The following CHST15 variants were observed in gnomAD, a reference collection of about 807,000 sequenced individuals.
The protein encoded by CHST15 is carbohydrate sulfotransferase 15, also known as B cell RAG associated protein (GALNAC4S-6ST).
A neutral mutation model predicts 53.6 loss-of-function variants in CHST15; 30 were observed. The ratio of observed to expected loss-of-function variants is 0.56; its 90% CI spans 0.42 to 0.76. The LOEUF is 0.76. Among genes scored for constraint, CHST15 ranks in the 30% least tolerant of loss-of-function variants. The probability of loss-of-function intolerance (pLI) is 0.00; values close to 1 mark genes in which losing one functional copy is unlikely to be tolerated. For synonymous variants in CHST15, 296 were observed against 289.8 expected (o/e 1.02, Z -0.22); for missense variants, 627 against 740.5 (o/e 0.85, Z 1.78).
At chr10:124,027,536 G>A (rs1023412711) in intron 5 of CHST15, among the ~76,000 whole-genome samples, 12 of 152,190 alleles carry the variant, frequency 7.9e-5, no homozygotes, top group Non-Finnish European at 1.5e-5. Flanking sequence ...ATTAAAGCAG[G>A]AGCTGCTGCT....
Position 124,077,543 on chromosome 10 carries a change from T to G in CHST15, c.-513+15926A>C, listed in dbSNP as rs1949117334. ...TTAAATGGGAAAATCTTTACCTTAG[T>G]TGAGTGATGTGCTCTGTCCACCACC... On this transcript the variant is annotated intron_variant, in intron 1 of 7. Coordinates refer to ENST00000435907, the MANE Select transcript of CHST15 (RefSeq NM_001270764.2). 2.0e-5 allele frequency among the ~76,000 whole-genome samples: 3 copies of G among 152,228 alleles called. No homozygotes were observed. The South Asian group carries it at 6.2e-4, about 31-fold the overall frequency.
intron 5 of CHST15, among the ~76,000 whole-genome samples, chr10:124,034,263 C>T (rs1947334633): frequency 6.6e-6 from 1 of 152,174 alleles, no homozygotes; most frequent in South Asian, 2.1e-4. Flanking sequence ...TCCTAGGATA[C>T]ATAGAGTATT....
rs1947482511 is a variant in CHST15, at chr10:124,036,041, C to T, written c.1190+2474G>A. Among the ~76,000 whole-genome samples the T allele has an allele frequency of 6.6e-6, 1 of 152,250 alleles. No homozygotes were observed. Among genetic ancestry groups the T allele is most frequent in the South Asian group, 2.1e-4 (1 of 4,836 alleles). ...GCACTCTCGGCCCCTGAGGTTAAGGCGTGGTCTGACCTTTCTCAGAATGAG... is the reference window on the plus strand; with the variant it reads ...GCACTCTCGGCCCCTGAGGTTAAGGTGTGGTCTGACCTTTCTCAGAATGAG... On this transcript the variant is annotated intron_variant, in intron 5 of 7. Transcript: ENST00000435907. The surrounding 1 kb of genome is among the most constrained non-coding windows in gnomAD (Gnocchi z 5.1).
At chr10:124,049,850 C>T (rs1341664827) in intron 1 of CHST15, among the ~76,000 whole-genome samples, 1 of 152,114 alleles carries the variant, frequency 6.6e-6, no homozygotes, top group Non-Finnish European at 1.5e-5. Flanking sequence ...GTGCGGGTAA[C>T]CTGGGGACCC....
intron 1 of CHST15, among the ~76,000 whole-genome samples, chr10:124,082,695 T>C (rs917189652): frequency 1.3e-5 from 2 of 152,188 alleles, no homozygotes; most frequent in Admixed American, 6.5e-5. Context: ...AATGGATCCA[T>C]GAAACTGTGG....
chr10:124,076,908 ACCGTGTTAG>A, intron 1 of CHST15, among the ~76,000 whole-genome samples: 1 of 152,056 alleles, frequency 6.6e-6, no homozygotes, highest in African/African-American at 2.4e-5. Flanking sequence ...ACAGGGTTTC[ACCGTGTTAG>A]CCAGGATGGT....
Position 124,021,244 on chromosome 10 carries a change from G to T in CHST15, c.1347+12C>A, listed in dbSNP as rs566278902. On this transcript the variant is annotated intron_variant, in intron 6 of 7. Coordinates refer to ENST00000435907, the MANE Select transcript of CHST15 (RefSeq NM_001270764.2). ...GGCCAGCTCGGGGGGTACGGGGGGG[G>T]GGGGTACACACAGGCATGGCGTTGT... The T allele has an allele frequency of 1.8e-4, 280 of 1,570,474 alleles. 1 individual carries two copies. In the African/African-American group the frequency reaches 2.8e-3, roughly 16 times the overall value.
chr10:124,009,233 A>G lies in CHST15; in HGVS notation c.*916T>C. 8.9e-7 allele frequency: 1 copy of G among 1,118,566 alleles called. No homozygotes were observed. Among genetic ancestry groups the G allele is most frequent in the South Asian group, 2.0e-5 (1 of 50,410 alleles). The allele number at this position is 1,118,566 out of a possible 1,614,324, so 69.3% of individuals were successfully genotyped here. On this transcript the variant is annotated 3_prime_UTR_variant, in exon 8 of 8. Coordinates refer to ENST00000435907, the MANE Select transcript of CHST15 (RefSeq NM_001270764.2). ...TACCTAGATTTTCCAAGAAGTGTTC[A>G]ATTCCTTGAGGTTGCTCATTCTGGC... is the stretch of plus-strand genomic sequence containing the variant.
chr10:124,081,131 G>A (rs1949220319), intron 1 of CHST15, among the ~76,000 whole-genome samples: 1 of 152,160 alleles, frequency 6.6e-6, no homozygotes, highest in Non-Finnish European at 1.5e-5. Context: ...TTACAATCAG[G>A]GAATCTGAAC....
intron 5 of CHST15, among the ~76,000 whole-genome samples, chr10:124,037,442 C>G (rs1947540291): frequency 6.6e-6 from 1 of 152,152 alleles, no homozygotes. Context: ...CCAAAACAGA[C>G]CTGGTCTCAA....
intron 6 of CHST15, chr10:124,020,553 CA>C (rs1946739965): frequency 1.0e-6 from 1 of 985,558 alleles, no homozygotes; most frequent in African/African-American, 1.7e-5. Context: ...GACTCCACAG[CA>C]GGCCTGTTGG....
chr10:124,046,167 C>T lies in CHST15; in HGVS notation c.46G>A (p.Ala16Thr), dbSNP rs35043821. ...TGGCAGTTGACCTGCTGCTTGTGTG[C>T]GCCGTCGGGTAACAGCTGTATGCAG... Reference protein sequence around the residue: ...NCCIQLLPDGAHKQQVNCQGG... With the variant: ...NCCIQLLPDGTHKQQVNCQGG... The change falls in exon 2 of 8, where the codon GCA (alanine) becomes ACA (threonine). Residue 16 changes from alanine to threonine, a missense_variant. By Grantham distance (58) the Ala-to-Thr change is moderately conservative. Transcript: ENST00000435907. 6,973 of 1,613,522 alleles carry T rather than the reference C, an allele frequency of 4.3e-3. 256 individuals carry two copies. In the African/African-American group the frequency reaches 0.082, roughly 19 times the overall value.
chr10:124,029,206 G>A (rs1475095581), intron 5 of CHST15, among the ~76,000 whole-genome samples: 1 of 152,200 alleles, frequency 6.6e-6, no homozygotes, highest in Non-Finnish European at 1.5e-5. Context: ...TAATGTAGCT[G>A]AGACGGAGCC....
Position 124,080,077 on chromosome 10 carries a change from G to GT in CHST15, c.-513+13391dup, listed in dbSNP as rs750963547. Among the ~76,000 whole-genome samples the GT allele has an allele frequency of 4.6e-5, 7 of 152,192 alleles. No individual in the cohort carries two copies. In the South Asian group the frequency reaches 1.2e-3, roughly 27 times the overall value. On this transcript the variant is annotated intron_variant, in intron 1 of 7. Coordinates refer to ENST00000435907, the MANE Select transcript of CHST15 (RefSeq NM_001270764.2). The stretch of plus-strand genomic sequence containing the variant: ...GACAGGGATGTTGGGGTTTTGCTTT[G>GT]TTTTTTGCTAGCCCTGTTTTCTGAA...
chr10:124,026,434 CAA>C (rs1354621907), intron 5 of CHST15, among the ~76,000 whole-genome samples: 11 of 152,276 alleles, frequency 7.2e-5, no homozygotes, highest in Non-Finnish European at 1.5e-5. Context: ...CTGAGAACAG[CAA>C]ACATATCAAG....
intron 6 of CHST15, among the ~76,000 whole-genome samples, chr10:124,014,579 G>A (rs1284345452): frequency 8.5e-5 from 13 of 152,322 alleles, no homozygotes; most frequent in African/African-American, 2.4e-4. Flanking sequence ...CAACGCAGAC[G>A]AATCATGACG....
rs370514637 is a variant in CHST15 at position 124,023,644 on chromosome 10, C to A, written c.1191-2232G>T. Among the ~76,000 whole-genome samples, 4 of 152,188 alleles carry A rather than the reference C, an allele frequency of 2.6e-5. No homozygotes were observed. In the East Asian group the frequency reaches 7.7e-4, roughly 29 times the overall value. ...TCTTCTTGCACACACACCTGCATCT[C>A]TGGGCCAAGGGTGAAACTGGGCTTA... On this transcript the variant is annotated intron_variant, in intron 5 of 7. Transcript: ENST00000435907.
chr10:124,080,319 C>G (rs1216840623), intron 1 of CHST15, among the ~76,000 whole-genome samples: 1 of 152,206 alleles, frequency 6.6e-6, no homozygotes. Flanking sequence ...CTGACTGTTC[C>G]CTCCTTCCAA....
chr10:124,092,672 G>T (rs536482332), intron 1 of CHST15, among the ~76,000 whole-genome samples: 1 of 152,122 alleles, frequency 6.6e-6, no homozygotes, highest in Non-Finnish European at 1.5e-5. Flanking sequence ...GCGCATCCGA[G>T]CTCGCAACCG....
Sources: allele counts gnomAD v4.1 joint callset (sites outside exome capture counted in the v4.1 genomes callset), GRCh38; gene constraint gnomAD v4.1.1; non-coding constraint Gnocchi (gnomAD v3.1); transcripts MANE v1.5; gene names NCBI Gene and HGNC (gene_info 2026-07-23, HGNC 2026-07-21).